The following SCN8A variants were observed in gnomAD, a reference collection of about 807,000 sequenced individuals.
SCN8A encodes the protein sodium channel protein type 8 subunit alpha.
A neutral mutation model predicts 184.1 loss-of-function variants in SCN8A; 30 were observed. The observed-to-expected ratio is 0.16, with a 90% CI of 0.12 to 0.22. The LOEUF is 0.22. SCN8A is among the 10% of genes least tolerant of loss of function. The pLI is 1.00. For synonymous variants in SCN8A, 852 were observed against 907.0 expected (o/e 0.94, Z 1.09); for missense variants, 1,057 against 2,498.9 (o/e 0.42, Z 12.30).
chr12:51,638,736 C>T (rs1238635174), intron 1 of SCN8A, among the ~76,000 whole-genome samples: 1 of 152,154 alleles, frequency 6.6e-6, no homozygotes, highest in Non-Finnish European at 1.5e-5. Flanking sequence ...CCACCCTCCT[C>T]AGCCTCCCAA....
intron 1 of SCN8A, among the ~76,000 whole-genome samples, chr12:51,604,130 A>C (rs1374984355): frequency 1.3e-5 from 2 of 152,146 alleles, no homozygotes; most frequent in African/African-American, 4.8e-5. Flanking sequence ...CATATATAAG[A>C]ACTCTTTGTC....
chr12:51,619,581 A>C (rs899416263), intron 1 of SCN8A, among the ~76,000 whole-genome samples: 1 of 152,222 alleles, frequency 6.6e-6, no homozygotes, highest in Non-Finnish European at 1.5e-5. Context: ...GCCTTCATAT[A>C]ATCTTAAATC....
intron 1 of SCN8A, among the ~76,000 whole-genome samples, chr12:51,635,236 A>G (rs1329250346): frequency 6.6e-6 from 1 of 152,196 alleles, no homozygotes; most frequent in Non-Finnish European, 1.5e-5. Context: ...TTTTATAGAA[A>G]ACTACCCCTT....
At chr12:51,681,312 C>T (rs986505615) in intron 2 of SCN8A, among the ~76,000 whole-genome samples, 8 of 152,166 alleles carry the variant, frequency 5.3e-5, no homozygotes, top group African/African-American at 1.9e-4. Context: ...CTGCTCTTTG[C>T]TGCGTGACCT....
rs1281527521 is a variant in SCN8A at position 51,699,568 on chromosome 12, A to G, written c.707-2A>G. 6.2e-7 allele frequency: 1 copy of G among 1,609,292 alleles called. No individual in the cohort carries two copies. Among genetic ancestry groups the G allele is most frequent in the Non-Finnish European group, 8.5e-7 (1 of 1,176,622 alleles). On this transcript the variant is annotated splice_acceptor_variant, in intron 6 of 26. Coordinates refer to ENST00000627620, the MANE Select transcript of SCN8A (RefSeq NM_001330260.2). LOFTEE classifies it high-confidence loss of function. ...CTGATTCCGGGGATTCTGTCTCCTC[A>G]GGCCTGAAGACAATTGTGGGTGCCC...
chr12:51,722,031 G>T, intron 12 of SCN8A, 123 bp downstream of exon 12: 1 of 1,530,662 alleles, frequency 6.5e-7, no homozygotes, highest in Non-Finnish European at 8.9e-7. Context: ...CATCCCACTT[G>T]GTCTGTCTGG....
chr12:51,668,405 A>G (rs1386991858), intron 2 of SCN8A, among the ~76,000 whole-genome samples: 2 of 152,138 alleles, frequency 1.3e-5, no homozygotes. Flanking sequence ...TATAACCAGG[A>G]CTAGAGCTCA....
At chr12:51,784,646 C>T (rs982797150) in intron 21 of SCN8A, among the ~76,000 whole-genome samples, 2 of 151,620 alleles carry the variant, frequency 1.3e-5, no homozygotes, top group African/African-American at 2.4e-5. Flanking sequence ...GATTTTATAT[C>T]ATATCAGAGA....
chr12:51,598,902 T>G (rs1195101490), intron 1 of SCN8A, among the ~76,000 whole-genome samples: 4 of 152,194 alleles, frequency 2.6e-5, no homozygotes, highest in Non-Finnish European at 5.9e-5. Context: ...TTACCCCTTT[T>G]CCTTAAGAAA....
chr12:51,767,971 T>C (rs544948377), intron 16 of SCN8A: 1 of 152,350 alleles, frequency 6.6e-6, no homozygotes, highest in Admixed American at 6.5e-5. Context: ...CTCACCCGCA[T>C]TTTACCAACC....
At chr12:51,667,696 G>GA (rs1941059125) in intron 2 of SCN8A, among the ~76,000 whole-genome samples, 1 of 152,144 alleles carries the variant, frequency 6.6e-6, no homozygotes, top group Non-Finnish European at 1.5e-5. Flanking sequence ...AGGCAGCCAG[G>GA]AAATCTGTAG....
At chr12:51,761,277 A>G (rs1942758337) in intron 14 of SCN8A, among the ~76,000 whole-genome samples, 1 of 152,060 alleles carries the variant, frequency 6.6e-6, no homozygotes, top group Non-Finnish European at 1.5e-5. Context: ...AAAATGGGAG[A>G]TGGGTAACAT....
At position 51,789,175 on chromosome 12, in the gene SCN8A, C is replaced by T. The variant is rs1255968001; in HGVS notation, c.4282-106C>T. 4.0e-6 allele frequency: 5 copies of T among 1,249,428 alleles called. No individual in the cohort carries two copies. The East Asian group carries it at 1.2e-4, about 31-fold the overall frequency. 77.4% of individuals were successfully genotyped at this position (1,249,428 alleles called of 1,614,324 possible). ...GAAAGAATCTAGGGCTCTCCCACCCCAAGATGTTTAGCAGCTCAAATGGTC... is the reference window on the plus strand; with the variant it reads ...GAAAGAATCTAGGGCTCTCCCACCCTAAGATGTTTAGCAGCTCAAATGGTC... On this transcript the variant is annotated intron_variant, in intron 23 of 26. Transcript: ENST00000627620.
chr12:51,650,506 CTTTTTTTTTTT>C (rs71092715), intron 1 of SCN8A, among the ~76,000 whole-genome samples: 1 of 101,062 alleles, frequency 9.9e-6, no homozygotes, highest in Non-Finnish European at 2.1e-5. Context: ...AAAAGGCACT[CTTTTTTTTTTT>C]TTTTTTTTTT....
intron 1 of SCN8A, among the ~76,000 whole-genome samples, chr12:51,599,808 T>C (rs950421714): frequency 6.6e-6 from 1 of 152,190 alleles, no homozygotes; most frequent in Non-Finnish European, 1.5e-5. Context: ...ACTTTGTATA[T>C]GTGTGTTACA....
intron 1 of SCN8A, among the ~76,000 whole-genome samples, chr12:51,636,969 G>A (rs1481253523): frequency 6.6e-6 from 1 of 152,096 alleles, no homozygotes; most frequent in Admixed American, 6.5e-5. Flanking sequence ...CATTGATTGA[G>A]CAAGTCTGTC....
At chr12:51,665,638 TA>T (rs2138676014) in intron 2 of SCN8A, among the ~76,000 whole-genome samples, 1 of 152,308 alleles carries the variant, frequency 6.6e-6, no homozygotes, top group South Asian at 2.1e-4. Context: ...GATACTTCTA[TA>T]GGGGTGGAAA....
intron 1 of SCN8A, among the ~76,000 whole-genome samples, chr12:51,625,970 A>T (rs1377157219): frequency 6.6e-6 from 1 of 152,218 alleles, no homozygotes; most frequent in Non-Finnish European, 1.5e-5. Flanking sequence ...GGTCAATGTC[A>T]TTGAAAGGAA....
intron 14 of SCN8A, among the ~76,000 whole-genome samples, chr12:51,752,881 A>G (rs1942617642): frequency 6.6e-6 from 1 of 152,168 alleles, no homozygotes; most frequent in African/African-American, 2.4e-5. Context: ...TGTCTTGATA[A>G]TTTTTATTGT....
Sources: gnomAD v4.1 joint callset for allele counts (sites outside exome capture counted in the v4.1 genomes callset) on GRCh38, gnomAD v4.1.1 for gene constraint, MANE v1.5 for transcripts, NCBI Gene and HGNC (gene_info 2026-07-23, HGNC 2026-07-21) for gene names.